Variants in PSD3 observed in about 807,000 individuals in gnomAD.
The protein encoded by PSD3 is pleckstrin and Sec7 domain containing 3.
A neutral mutation model predicts 105.5 loss-of-function variants in PSD3; 49 were observed. The observed-to-expected ratio is 0.46, with a 90% confidence interval of 0.37 to 0.59. PSD3 has a LOEUF of 0.59. Ranked by LOEUF, PSD3 falls within the 20% of genes least tolerant of loss-of-function variation. The pLI is 0.00. For missense variants in PSD3, 1,561 were observed against 1,263.8 expected (o/e 1.24, Z -3.57); for synonymous variants, 557 against 457.8 (o/e 1.22, Z -2.77).
intron 2 of PSD3, among the ~76,000 whole-genome samples, chr8:18,888,065 C>T (rs1205856782): frequency 6.6e-6 from 1 of 152,174 alleles, no homozygotes; most frequent in Non-Finnish European, 1.5e-5. Flanking sequence ...TCCACCCTCC[C>T]TACCCCTAAG....
chr8:18,631,698 T>C (rs1471413419), intron 11 of PSD3, among the ~76,000 whole-genome samples: 1 of 151,904 alleles, frequency 6.6e-6, no homozygotes, highest in Non-Finnish European at 1.5e-5. Flanking sequence ...GCACAGAAGA[T>C]ATGGTGGATG....
At chr8:18,817,086 G>C (rs1466333266) in intron 4 of PSD3, among the ~76,000 whole-genome samples, 2 of 152,206 alleles carry the variant, frequency 1.3e-5, no homozygotes, top group Non-Finnish European at 2.9e-5. Flanking sequence ...TCCATGGCTG[G>C]AGAGGAGTGA....
intron 11 of PSD3, among the ~76,000 whole-genome samples, chr8:18,620,359 T>TTTTTTC (rs1302466557): frequency 7.3e-5 from 11 of 151,484 alleles, no homozygotes; most frequent in African/African-American, 2.2e-4. Context: ...TTTTTTTTTT[T>TTTTTTC]TCCCCAGGCT....
chr8:18,643,016 G>A (rs1807765909), intron 10 of PSD3, among the ~76,000 whole-genome samples: 1 of 152,220 alleles, frequency 6.6e-6, no homozygotes, highest in South Asian at 2.1e-4. Flanking sequence ...AGAGCCATAT[G>A]AGAGAGCTGT....
chr8:18,684,533 T>C (rs959682455), intron 9 of PSD3, among the ~76,000 whole-genome samples: 1 of 152,166 alleles, frequency 6.6e-6, no homozygotes, highest in African/African-American at 2.4e-5. Context: ...CACAAAGGCA[T>C]CTCAATGATC....
chr8:19,056,924 T>C (rs1422893765), intron 1 of PSD3, among the ~76,000 whole-genome samples: 1 of 152,218 alleles, frequency 6.6e-6, no homozygotes, highest in Non-Finnish European at 1.5e-5. Flanking sequence ...CTGTGGGTGA[T>C]GAGCTCAGCT....
chr8:18,926,521 A>T (rs1409183139), intron 2 of PSD3, among the ~76,000 whole-genome samples: 1 of 152,160 alleles, frequency 6.6e-6, no homozygotes, highest in East Asian at 1.9e-4. Flanking sequence ...ACAGGAAAAG[A>T]TGCTCAATGT....
intron 10 of PSD3, among the ~76,000 whole-genome samples, chr8:18,651,926 T>G (rs1808510782): frequency 6.6e-6 from 1 of 152,100 alleles, no homozygotes; most frequent in African/African-American, 2.4e-5. Flanking sequence ...TCACAGAGGT[T>G]AAAGTACAGG....
chr8:18,556,295 C>T lies in PSD3; in HGVS notation c.2842G>A (p.Glu948Lys), dbSNP rs977661861. The change falls in exon 15 of 16, where the codon GAG becomes AAG. Residue 948 changes from glutamate (E) to lysine (K), a missense_variant. Coordinates refer to ENST00000327040, the MANE Select transcript of PSD3 (RefSeq NM_015310.4). ...TTGTCGGGGGGATATGAGCGGTGCT[C>T]GGCCAGCTCGGTGGTGATCTGCTTC... ...KLKQITTELA[E>K]HRSYPPDKKV... 3.7e-6 allele frequency: 6 copies of T among 1,613,858 alleles called. No individual in the cohort carries two copies. Among genetic ancestry groups the T allele is most frequent in the East Asian group, 2.2e-5 (1 of 44,880 alleles).
chr8:19,028,115 A>G (rs1195945604), intron 1 of PSD3, among the ~76,000 whole-genome samples: 2 of 152,148 alleles, frequency 1.3e-5, no homozygotes, highest in South Asian at 2.1e-4. Context: ...GGTATTGTCA[A>G]CTTTTAAAAA....
chr8:18,956,808 T>A (rs767389629), intron 1 of PSD3, among the ~76,000 whole-genome samples: 4 of 152,138 alleles, frequency 2.6e-5, no homozygotes, highest in African/African-American at 7.2e-5. Flanking sequence ...ATCCATGGTT[T>A]GGCTTTTCCT....
intron 14 of PSD3, among the ~76,000 whole-genome samples, chr8:18,564,686 CTG>C (rs915090533): frequency 1.3e-5 from 2 of 150,140 alleles, no homozygotes; most frequent in Non-Finnish European, 3.0e-5. Flanking sequence ...ATGACAGAAA[CTG>C]TGGAAATGGG....
rs374769964 is a variant in PSD3, at chr8:18,701,578, T to C, written c.2173-45893A>G. Among the ~76,000 whole-genome samples the C allele has an allele frequency of 1.9e-4, 29 of 152,324 alleles. 1 individual carries two copies. Among genetic ancestry groups the C allele is most frequent in the African/African-American group, 6.7e-4 (28 of 41,570 alleles). ...TAAACCAAATGTGTATGTACTAGTCTCATCATTTAAGTGAAGTCTTCCATT... is the reference window on the plus strand; with the variant it reads ...TAAACCAAATGTGTATGTACTAGTCCCATCATTTAAGTGAAGTCTTCCATT... On this transcript the variant is annotated intron_variant, in intron 9 of 15. Transcript: ENST00000327040.
chr8:18,789,713 T>C (rs1299858243), intron 8 of PSD3, among the ~76,000 whole-genome samples: 3 of 152,196 alleles, frequency 2.0e-5, no homozygotes, highest in Non-Finnish European at 4.4e-5. Context: ...AATTTTTAAC[T>C]TGATTGCTGT....
intron 4 of PSD3, among the ~76,000 whole-genome samples, chr8:18,829,896 T>C (rs1378149855): frequency 2.0e-5 from 3 of 152,052 alleles, no homozygotes; most frequent in Admixed American, 6.5e-5. Context: ...TAAATAAAAA[T>C]AAAAAATAAT....
chr8:19,011,914 T>C (rs187853207), intron 1 of PSD3, among the ~76,000 whole-genome samples: 156 of 152,310 alleles, frequency 1.0e-3, no homozygotes, highest in African/African-American at 3.4e-3. Flanking sequence ...AACAGATATT[T>C]AGAATGTGAA....
At chr8:18,885,099 C>G (rs1398139526) in intron 2 of PSD3, among the ~76,000 whole-genome samples, 2 of 152,140 alleles carry the variant, frequency 1.3e-5, no homozygotes, top group African/African-American at 4.8e-5. Context: ...GTCTGCCTCT[C>G]TTTGTCATAA....
chr8:18,567,258 A>G (rs1272753480), intron 14 of PSD3, among the ~76,000 whole-genome samples: 1 of 32,784 alleles, frequency 3.1e-5, no homozygotes, highest in African/African-American at 1.0e-4. Context: ...GCAAAACTCA[A>G]TTTTGGAAGG....
chr8:18,593,962 C>G (rs1475952316), intron 12 of PSD3, among the ~76,000 whole-genome samples: 2 of 87,082 alleles, frequency 2.3e-5, no homozygotes, highest in South Asian at 3.4e-4. Context: ...CATCACACAC[C>G]GGGGCCTGTT....
Sources: allele counts gnomAD v4.1 joint callset (sites outside exome capture counted in the v4.1 genomes callset), GRCh38; gene constraint gnomAD v4.1.1; transcripts MANE v1.5; gene names NCBI Gene and HGNC (gene_info 2026-07-23, HGNC 2026-07-21).